MATR3: variants seen among roughly 807,000 people sequenced by gnomAD.
The protein encoded by MATR3 is matrin 3, also known as matrin-3.
A neutral mutation model predicts 85.5 loss-of-function variants in MATR3; 4 were observed. The ratio of observed to expected loss-of-function variants is 0.05; its 90% confidence interval spans 0.02 to 0.11. MATR3 has a LOEUF of 0.11. Ranked by LOEUF, MATR3 falls within the 10% of genes least tolerant of loss-of-function variation. The pLI, the probability that MATR3 is intolerant of heterozygous loss-of-function variation, is 1.00. For missense variants in MATR3, 685 were observed against 1,016.1 expected (o/e 0.67, Z 4.43); for synonymous variants, 336 against 343.1 (o/e 0.98, Z 0.23).
At chr5:139,309,231 T>C (rs1478141455) in intron 2 of MATR3, among the ~76,000 whole-genome samples, 1 of 152,186 alleles carries the variant, frequency 6.6e-6, no homozygotes, top group African/African-American at 2.4e-5. Flanking sequence ...TTTCCCCCAA[T>C]ATATGGTGCA....
At chr5:139,313,331 T>G (rs1417152941) in intron 2 of MATR3, 1 of 45,930 alleles carries the variant, frequency 2.2e-5, no homozygotes, top group East Asian at 2.9e-4. Context: ...ATAGTTCTTT[T>G]TTTTTTTTTT....
intron 9 of MATR3, among the ~76,000 whole-genome samples, chr5:139,319,930 G>C (rs1473766806): frequency 9.6e-6 from 1 of 104,654 alleles, no homozygotes; most frequent in East Asian, 3.2e-4. Context: ...TGGAGGACTA[G>C]TTGTTTGCTT....
chr5:139,327,099 T>G (rs1157039484), intron 14 of MATR3, among the ~76,000 whole-genome samples: 2 of 152,210 alleles, frequency 1.3e-5, no homozygotes, highest in African/African-American at 2.4e-5. Flanking sequence ...ATTATCAGCT[T>G]CTTTGGACTA....
chr5:139,275,961 C>T (rs1264403739), intron 1 of MATR3: 1 of 448,464 alleles, frequency 2.2e-6, no homozygotes, highest in Non-Finnish European at 4.5e-6. Flanking sequence ...GTATAAGTAA[C>T]AAGAGATGAA....
rs1486321144 is a variant in MATR3, at chr5:139,307,293, T to C, written c.-123T>C. 4 of 1,412,286 alleles carry C rather than the reference T, an allele frequency of 2.8e-6. No individual in the cohort carries two copies. Among genetic ancestry groups the C allele is most frequent in the Non-Finnish European group, 3.7e-6 (4 of 1,088,882 alleles). The allele number at this position is 1,412,286 out of a possible 1,614,324, so 87.5% of individuals were successfully genotyped here. On this transcript the variant is annotated 5_prime_UTR_variant, in exon 2 of 15. Coordinates refer to ENST00000394805, the MANE Select transcript of MATR3 (RefSeq NM_018834.6). The surrounding 1 kb of genome is among the most constrained non-coding windows in gnomAD (Gnocchi z 4.4). ...GATTCTGCAGTCCTTATTGATCCTT[T>C]TTCTTGGCGTTACCATTTTTGAAGC... is the stretch of plus-strand genomic sequence containing the variant.
intron 1 of MATR3, among the ~76,000 whole-genome samples, chr5:139,305,801 A>G (rs952481850): frequency 1.3e-5 from 2 of 152,118 alleles, no homozygotes; most frequent in Non-Finnish European, 2.9e-5. Context: ...CTCTTATAGC[A>G]TTTCTGTGTC....
intron 1 of MATR3, among the ~76,000 whole-genome samples, chr5:139,303,611 G>GT (rs1284901080): frequency 6.6e-6 from 1 of 152,132 alleles, no homozygotes; most frequent in Non-Finnish European, 1.5e-5. Context: ...GCATGTGTCT[G>GT]TAGTCCCGGC....
At chr5:139,319,182 T>G in intron 8 of MATR3, 149 bp downstream of exon 8, 6 of 1,239,552 alleles carry the variant, frequency 4.8e-6, no homozygotes, top group Non-Finnish European at 7.0e-6. Flanking sequence ...TCAGAAGGAT[T>G]ATGTGAGGCC....
At chr5:139,275,134 C>T (rs1345880518) in intron 1 of MATR3, among the ~76,000 whole-genome samples, 1 of 141,424 alleles carries the variant, frequency 7.1e-6, no homozygotes, top group African/African-American at 2.6e-5. Context: ...CGCCACCACG[C>T]CCGGCTAATT....
At chr5:139,294,364 C>G (rs1211423798) in intron 1 of MATR3, among the ~76,000 whole-genome samples, 1 of 152,174 alleles carries the variant, frequency 6.6e-6, no homozygotes, top group African/African-American at 2.4e-5. Flanking sequence ...TTCGCAGACT[C>G]TGAAGAGCCT....
chr5:139,308,420 T>A (rs1431951723), intron 2 of MATR3, 93 bp downstream of exon 2: 15 of 1,454,568 alleles, frequency 1.0e-5, no homozygotes, highest in Admixed American at 6.8e-5. Context: ...CTGATGACAT[T>A]GAGTTGATCA....
At chr5:139,324,290 G>GTTTT (rs767660135) in intron 12 of MATR3, among the ~76,000 whole-genome samples, 59 of 107,650 alleles carry the variant, frequency 5.5e-4, no homozygotes, top group Non-Finnish European at 7.2e-4. Context: ...GAGCATGATT[G>GTTTT]TTTTTTTTTT....
chr5:139,331,380 T>C lies in MATR3; in HGVS notation c.*1985T>C, dbSNP rs1358427158. 2 of 454,144 alleles carry C rather than the reference T, an allele frequency of 4.4e-6. No homozygotes were observed. The highest frequency in any genetic ancestry group is 8.8e-6 in the Non-Finnish European group (2 of 226,796). The allele number at this position is 454,144 out of a possible 1,614,324, so 28.1% of individuals were successfully genotyped here. A position where few individuals can be genotyped will look rare whatever the true frequency, so the allele number is the denominator to read the frequency against. On this transcript the variant is annotated 3_prime_UTR_variant, in exon 15 of 15. Coordinates refer to ENST00000394805, the MANE Select transcript of MATR3 (RefSeq NM_018834.6). The stretch of plus-strand genomic sequence containing the variant: ...GTGCACAATGGAGTTCTTCAGTGTT[T>C]CCTTTCAGTGATGGCTTTTTCATAG...
chr5:139,317,404 C>T (rs1276186613), intron 6 of MATR3, among the ~76,000 whole-genome samples, 192 bp from the exon 7 acceptor site: 5 of 152,092 alleles, frequency 3.3e-5, no homozygotes, highest in Admixed American at 6.6e-5. Context: ...GTAGTTTAAC[C>T]GTTTGGTTAT....
chr5:139,305,237 C>G (rs887995377), intron 1 of MATR3, among the ~76,000 whole-genome samples: 1 of 152,028 alleles, frequency 6.6e-6, no homozygotes, highest in Non-Finnish European at 1.5e-5. Flanking sequence ...TATCCTTTAC[C>G]TTTGCTTCTC....
At chr5:139,312,359 G>T (rs1345403338) in intron 2 of MATR3, 1 of 152,180 alleles carries the variant, frequency 6.6e-6, no homozygotes, top group African/African-American at 2.4e-5. Context: ...TGGCCTCCCA[G>T]AGTGCTGGGA....
chr5:139,299,069 G>A (rs1194231129), intron 1 of MATR3, among the ~76,000 whole-genome samples: 2 of 152,146 alleles, frequency 1.3e-5, no homozygotes, highest in South Asian at 2.1e-4. Context: ...TAAACACAAG[G>A]GGAGGGAGTC....
rs189051904 is a variant in MATR3 at position 139,328,337 on chromosome 5, C to A, written c.2494-1008C>A. ...AAGATATAATGGCTTTTAATTCTTACTATTTTGCATTAACTATATAAAGTT... is the reference window on the plus strand; with the variant it reads ...AAGATATAATGGCTTTTAATTCTTAATATTTTGCATTAACTATATAAAGTT... On this transcript the variant is annotated intron_variant, in intron 14 of 14. Coordinates refer to ENST00000394805, the MANE Select transcript of MATR3 (RefSeq NM_018834.6). 2.4e-3 allele frequency among the ~76,000 whole-genome samples: 367 copies of A among 152,172 alleles called. 2 individuals are homozygous for A. The highest frequency in any genetic ancestry group is 7.8e-3 in the African/African-American group (325 of 41,520).
chr5:139,299,402 A>G (rs931105469), intron 1 of MATR3, among the ~76,000 whole-genome samples: 5 of 152,234 alleles, frequency 3.3e-5, no homozygotes, highest in African/African-American at 1.2e-4. Flanking sequence ...GGCAGGGCAC[A>G]GTGGTTCATG....
Sources: gnomAD v4.1 joint callset for allele counts (sites outside exome capture counted in the v4.1 genomes callset) on GRCh38, gnomAD v4.1.1 for gene constraint, Gnocchi (gnomAD v3.1) non-coding constraint, MANE v1.5 for transcripts, NCBI Gene and HGNC (gene_info 2026-07-23, HGNC 2026-07-21) for gene names.